NHS: variants seen among roughly 807,000 people sequenced by gnomAD.
NHS encodes the protein actin remodeling regulator NHS.
Under a neutral mutation model 72.5 loss-of-function variants are expected in NHS, and 5 were observed. That is an observed-to-expected ratio of 0.07 (90% confidence interval 0.04 to 0.14). NHS has a LOEUF of 0.14. Among genes scored for constraint, NHS ranks in the 10% least tolerant of loss-of-function variants. The pLI, the probability that NHS is intolerant of heterozygous loss-of-function variation, is 1.00. For missense variants in NHS, 1,072 were observed against 1,355.7 expected, an observed-to-expected ratio of 0.79 and a Z score of 3.29; for synonymous variants, 464 against 547.7, an observed-to-expected ratio of 0.85 and a Z score of 2.13.
At chrX:17,528,140 C>G (rs960221609) in intron 1 of NHS, among the ~76,000 whole-genome samples, 2 of 111,741 alleles carry the variant, frequency 1.8e-5, no homozygotes, top group African/African-American at 6.5e-5. Context: ...GTGGCAATGT[C>G]TGGAGACATT....
At chrX:17,575,494 C>G (rs1286940018) in intron 1 of NHS, among the ~76,000 whole-genome samples, 7 of 112,661 alleles carry the variant, frequency 6.2e-5, no homozygotes, top group Non-Finnish European at 1.1e-4. Context: ...CTCCAGAACT[C>G]TGCTTAATGT....
chrX:17,469,181 T>C (rs999988396), intron 1 of NHS, among the ~76,000 whole-genome samples: 37 of 112,320 alleles, frequency 3.3e-4, no homozygotes, highest in Non-Finnish European at 7.5e-5. Context: ...CATTCCATGG[T>C]GTGAATAGAC....
chrX:17,726,016 G>A lies in NHS; in HGVS notation c.1910G>A (p.Ser637Asn). The A allele has an allele frequency of 8.3e-7, 1 of 1,211,529 alleles. No homozygotes were observed. The highest frequency in any genetic ancestry group is 1.1e-6 in the Non-Finnish European group (1 of 895,439). The change falls in exon 7 of 9, where the codon AGC becomes AAC. Residue 637 changes from serine to asparagine, a missense_variant. Physicochemically the swap from Ser to Asn is conservative, Grantham distance 46 (BLOSUM62 1). Transcript: ENST00000676302. The stretch of plus-strand genomic sequence containing the variant: ...TCATCCAGTGGCAACTGGAGTGGGA[G>A]CAGCTCCACGTGCCCCTCGCAGACC... ...HQSSSGNWSGSSSTCPSQTSE... is the reference protein window; with the variant it reads ...HQSSSGNWSGNSSTCPSQTSE...
chrX:17,464,849 G>T (rs1445904802), intron 1 of NHS, among the ~76,000 whole-genome samples: 3 of 112,030 alleles, frequency 2.7e-5, no homozygotes, highest in Non-Finnish European at 5.6e-5. Flanking sequence ...GTCTGCCTTT[G>T]GTCCACCAGC....
chrX:17,548,188 G>A (rs891223241), intron 1 of NHS, among the ~76,000 whole-genome samples: 2 of 111,827 alleles, frequency 1.8e-5, no homozygotes, highest in Admixed American at 1.9e-4. Context: ...AAGGGGGCTG[G>A]CTGGCTAGAG....
chrX:17,524,968 T>C (rs1200718940), intron 1 of NHS, among the ~76,000 whole-genome samples: 2 of 111,542 alleles, frequency 1.8e-5, no homozygotes, highest in Admixed American at 9.5e-5. Context: ...TAGTCTTTGA[T>C]TGGGTGGGAA....
intron 1 of NHS, among the ~76,000 whole-genome samples, chrX:17,629,872 C>T (rs1324874718): frequency 3.6e-5 from 4 of 110,561 alleles, no homozygotes; most frequent in Admixed American, 9.7e-5. Flanking sequence ...GCCAGAGGAA[C>T]AAAACAGGTC....
rs6633016 is a variant in NHS, at chrX:17,689,858, A to C, written c.718+1964A>C. 6.4e-4 allele frequency among the ~76,000 whole-genome samples: 72 copies of C among 112,231 alleles called. No individual in the cohort carries two copies. The East Asian group carries it at 0.013, about 20-fold the overall frequency. ...ATTTTTATCCCTTTATTTTATTAAT[A>C]AGTCATCCCTGATTAGGATTTTATG... On this transcript the variant is annotated intron_variant, in intron 2 of 8. Coordinates refer to ENST00000676302, the MANE Select transcript of NHS (RefSeq NM_001291867.2).
chrX:17,488,343 G>T (rs1203736174), intron 1 of NHS, among the ~76,000 whole-genome samples: 1 of 111,446 alleles, frequency 9.0e-6, no homozygotes, highest in African/African-American at 3.3e-5. Context: ...TCCAGTCAGG[G>T]TGACGTTTGG....
At chrX:17,519,478 T>A (rs1351746502) in intron 1 of NHS, among the ~76,000 whole-genome samples, 2 of 112,216 alleles carry the variant, frequency 1.8e-5, no homozygotes, top group East Asian at 5.6e-4. Context: ...ATGAGCAAGC[T>A]GTTGAGAAGT....
At chrX:17,500,407 G>A (rs751742492) in intron 1 of NHS, among the ~76,000 whole-genome samples, 2 of 112,172 alleles carry the variant, frequency 1.8e-5, no homozygotes, top group South Asian at 7.4e-4. Flanking sequence ...GTTTGATTTT[G>A]CTGGGAGCCT....
intron 1 of NHS, among the ~76,000 whole-genome samples, chrX:17,453,053 A>T (rs990229219): frequency 1.8e-5 from 2 of 112,302 alleles, no homozygotes; most frequent in East Asian, 2.8e-4. Context: ...TAGTTAAACC[A>T]GGCTTGTAGT....
chrX:17,441,427 A>G (rs988983801), intron 1 of NHS, among the ~76,000 whole-genome samples: 2 of 112,248 alleles, frequency 1.8e-5, no homozygotes, highest in East Asian at 2.8e-4. Context: ...TCTCATTCCA[A>G]TAAGAGTAGG....
At chrX:17,598,010 T>C (rs2065633021) in intron 1 of NHS, among the ~76,000 whole-genome samples, 2 of 111,525 alleles carry the variant, frequency 1.8e-5, no homozygotes, top group South Asian at 7.6e-4. Context: ...CAGCCCTGTC[T>C]TAGTCAGCTC....
chrX:17,491,448 C>A (rs1441619625), intron 1 of NHS, among the ~76,000 whole-genome samples: 1 of 111,824 alleles, frequency 8.9e-6, no homozygotes, highest in African/African-American at 3.3e-5. Flanking sequence ...GTTGAACCAG[C>A]CTTGCATCCC....
At chrX:17,588,637 G>A (rs892509198) in intron 1 of NHS, among the ~76,000 whole-genome samples, 50 of 109,284 alleles carry the variant, frequency 4.6e-4, no homozygotes, top group African/African-American at 1.7e-3. Context: ...CAAACCTCAC[G>A]ACCTAGCAAG....
At chrX:17,714,556 T>A (rs1055285370) in intron 3 of NHS, among the ~76,000 whole-genome samples, 3 of 112,164 alleles carry the variant, frequency 2.7e-5, no homozygotes, top group Admixed American at 9.5e-5. Context: ...AAAAATTATA[T>A]GTGGGTGGCA....
At chrX:17,670,512 A>C (rs184849193) in intron 1 of NHS, among the ~76,000 whole-genome samples, 2 of 112,809 alleles carry the variant, frequency 1.8e-5, no homozygotes, top group Non-Finnish European at 3.7e-5. Context: ...AATTGAATTC[A>C]CTGGCAACTT....
intron 1 of NHS, among the ~76,000 whole-genome samples, chrX:17,593,500 T>C (rs1374371748): frequency 9.0e-6 from 1 of 110,518 alleles, no homozygotes; most frequent in African/African-American, 3.3e-5. Context: ...AACTTGGTAG[T>C]TTGGGGGTCT....
Sources: gnomAD v4.1 joint callset for allele counts (sites outside exome capture counted in the v4.1 genomes callset) on GRCh38, gnomAD v4.1.1 for gene constraint, MANE v1.5 for transcripts, NCBI Gene and HGNC (gene_info 2026-07-23, HGNC 2026-07-21) for gene names.